Variants in ITSN1 observed in about 807,000 individuals in gnomAD.
ITSN1 encodes intersectin-1.
A neutral mutation model predicts 239.8 loss-of-function variants in ITSN1; 58 were observed. The ratio of observed to expected loss-of-function variants is 0.24; its 90% CI spans 0.20 to 0.30. The LOEUF is 0.30. ITSN1 is among the 10% of genes least tolerant of loss of function. The pLI is 1.00. For missense variants in ITSN1, 1,558 were observed against 2,103.3 expected (o/e 0.74, Z 5.07); for synonymous variants, 780 against 770.8 (o/e 1.01, Z -0.20).
chr21:33,701,567 T>C (rs1159265145), intron 1 of ITSN1, among the ~76,000 whole-genome samples: 2 of 151,150 alleles, frequency 1.3e-5, no homozygotes, highest in African/African-American at 2.4e-5. Flanking sequence ...CATAGGTGGG[T>C]GGATCACTTG....
At chr21:33,653,498 T>A (rs1266932357) in intron 1 of ITSN1, among the ~76,000 whole-genome samples, 1 of 152,278 alleles carries the variant, frequency 6.6e-6, no homozygotes, top group Admixed American at 6.5e-5. Context: ...CTAGAATTTA[T>A]AATTTATTTT....
intron 22 of ITSN1, chr21:33,817,208 A>C (rs1398359240): frequency 7.8e-7 from 1 of 1,285,510 alleles, no homozygotes. Context: ...AAAGATAATA[A>C]ATGCCTCACC....
In ITSN1 at chr21:33,890,512, C is replaced by T. The variant is rs1269841480; in HGVS notation, c.*2212C>T. On this transcript the variant is annotated 3_prime_UTR_variant, in exon 40 of 40. Transcript: ENST00000381318. ...TTTTTCCTCAAGTGACTCTGTTGAG[C>T]ATCCTTGAGATGCTCCTGCCATGTA... The T allele has an allele frequency of 6.6e-6, 1 of 152,230 alleles. No individual in the cohort carries two copies. Among genetic ancestry groups the T allele is most frequent in the East Asian group, 1.9e-4 (1 of 5,200 alleles). 9.4% of individuals were successfully genotyped at this position (152,230 alleles called of 1,614,324 possible). A position where few individuals can be genotyped will look rare whatever the true frequency, so the allele number is the denominator to read the frequency against.
At chr21:33,863,637 A>G (rs887636576) in intron 31 of ITSN1, among the ~76,000 whole-genome samples, 1 of 152,238 alleles carries the variant, frequency 6.6e-6, no homozygotes, top group African/African-American at 2.4e-5. Flanking sequence ...CAAACAAAAC[A>G]AAACAAAATA....
intron 1 of ITSN1, among the ~76,000 whole-genome samples, chr21:33,695,510 A>G (rs1449272326): frequency 6.6e-6 from 1 of 152,232 alleles, no homozygotes; most frequent in Non-Finnish European, 1.5e-5. Context: ...TTGGAATTTT[A>G]AAGCTTAATA....
intron 20 of ITSN1, among the ~76,000 whole-genome samples, chr21:33,806,537 G>A (rs961872053): frequency 6.6e-6 from 1 of 152,240 alleles, no homozygotes; most frequent in Non-Finnish European, 1.5e-5. Context: ...TTTGCCAAAC[G>A]GACTTGAAGC....
chr21:33,744,026 A>G (rs1242196464), intron 5 of ITSN1, among the ~76,000 whole-genome samples: 1 of 152,238 alleles, frequency 6.6e-6, no homozygotes, highest in Non-Finnish European at 1.5e-5. Context: ...GACCTAGGTC[A>G]TCATAAGGAC....
chr21:33,642,762 C>CG, intron 1 of ITSN1, 49 bp downstream of exon 1: 1 of 151,444 alleles, frequency 6.6e-6, no homozygotes, highest in Non-Finnish European at 1.5e-5. Context: ...GCGGCTGCAG[C>CG]GGGGGCGGGG....
intron 29 of ITSN1, among the ~76,000 whole-genome samples, chr21:33,851,778 C>CTTTTTTTTTTTTTTTT (rs35567402): frequency 9.1e-5 from 6 of 66,206 alleles, no homozygotes; most frequent in Non-Finnish European, 1.3e-4. Flanking sequence ...CTTTTCTTTC[C>CTTTTTTTTTTTTTTTT]TTTTTTTTTT....
Position 33,706,282 on chromosome 21 carries a change from G to C in ITSN1, c.-32-12515G>C, listed in dbSNP as rs529661539. The stretch of plus-strand genomic sequence containing the variant: ...GATCTGCCCACCTCAGCCTCCCAAA[G>C]TGCTGGGATTACAGGCATGAGCCAC... On this transcript the variant is annotated intron_variant, in intron 1 of 39. Transcript: ENST00000381318. Among the ~76,000 whole-genome samples the C allele has an allele frequency of 1.5e-4, 23 of 152,206 alleles. No individual in the cohort carries two copies. In the East Asian group the frequency reaches 4.3e-3, roughly 28 times the overall value.
At chr21:33,778,577 T>TC (rs1346914581) in intron 14 of ITSN1, among the ~76,000 whole-genome samples, 7 of 113,624 alleles carry the variant, frequency 6.2e-5, no homozygotes, top group Non-Finnish European at 1.2e-4. Flanking sequence ...TTCTCTTTTT[T>TC]TTTTTTTTTT....
chr21:33,649,792 G>A (rs922476770), intron 1 of ITSN1, among the ~76,000 whole-genome samples: 10 of 151,978 alleles, frequency 6.6e-5, no homozygotes, highest in East Asian at 1.9e-4. Context: ...CGAGGTGTGC[G>A]GATCATGAGG....
At chr21:33,807,716 A>C (rs922949159) in intron 20 of ITSN1, among the ~76,000 whole-genome samples, 5 of 152,206 alleles carry the variant, frequency 3.3e-5, no homozygotes, top group African/African-American at 1.2e-4. Context: ...ACCTTTGAGG[A>C]GGTCCAAAAT....
chr21:33,869,014 CTG>C (rs2148512666), intron 33 of ITSN1, among the ~76,000 whole-genome samples: 1 of 151,954 alleles, frequency 6.6e-6, no homozygotes, highest in African/African-American at 2.4e-5. Flanking sequence ...CAGAAACAGT[CTG>C]TGGTCTGTGC....
At position 33,892,048 on chromosome 21, in the gene ITSN1, G is replaced by A. The variant is rs1986397816; in HGVS notation, c.*3748G>A. ...CATGAATACCTGGTGTGCTTTGGAT[G>A]TAACAGGGTCATTTTGGGCTCGAGG... is the stretch of plus-strand genomic sequence containing the variant. On this transcript the variant is annotated 3_prime_UTR_variant, in exon 40 of 40. Coordinates refer to ENST00000381318, the MANE Select transcript of ITSN1 (RefSeq NM_003024.3). 6.6e-6 allele frequency: 1 copy of A among 152,218 alleles called. No individual in the cohort carries two copies. Among genetic ancestry groups the A allele is most frequent in the Non-Finnish European group, 1.5e-5 (1 of 68,042 alleles). 9.4% of individuals were successfully genotyped at this position (152,218 alleles called of 1,614,324 possible). A position where few individuals can be genotyped will look rare whatever the true frequency, so the allele number is the denominator to read the frequency against.
intron 16 of ITSN1, among the ~76,000 whole-genome samples, chr21:33,784,310 A>AACAC (rs58496273): frequency 0.033 from 4,471 of 134,124 alleles, 107 homozygotes; most frequent in Middle Eastern, 0.11. Flanking sequence ...GTCTCTACAA[A>AACAC]ACACACACAC....
chr21:33,846,958 A>AT (rs2075007617), intron 29 of ITSN1, among the ~76,000 whole-genome samples: 1 of 152,160 alleles, frequency 6.6e-6, no homozygotes, highest in Admixed American at 6.5e-5. Context: ...TTATGTATGT[A>AT]TTTGGTTTTC....
At chr21:33,715,912 G>C (rs1247832325) in intron 1 of ITSN1, among the ~76,000 whole-genome samples, 1 of 152,078 alleles carries the variant, frequency 6.6e-6, no homozygotes, top group African/African-American at 2.4e-5. Flanking sequence ...GTGAGACTCT[G>C]TCTCAATAAA....
chr21:33,847,357 A>G (rs1261207962), intron 29 of ITSN1, among the ~76,000 whole-genome samples: 1 of 152,228 alleles, frequency 6.6e-6, no homozygotes, highest in Non-Finnish European at 1.5e-5. Context: ...GGACAAGCAC[A>G]ACCTCTCAGC....
Sources: gnomAD v4.1 joint callset for allele counts (sites outside exome capture counted in the v4.1 genomes callset) on GRCh38, gnomAD v4.1.1 for gene constraint, MANE v1.5 for transcripts, NCBI Gene and HGNC (gene_info 2026-07-23, HGNC 2026-07-21) for gene names.